The following NRXN3 variants were observed in gnomAD, a reference collection of about 807,000 sequenced individuals.
NRXN3 encodes the protein neurexin III.
In NRXN3, 32 loss-of-function variants were observed where a neutral mutation model predicts 137.6. The ratio of observed to expected loss-of-function variants is 0.23; its 90% CI spans 0.18 to 0.31. The LOEUF (loss-of-function observed/expected upper bound fraction) is 0.31, where lower values mean the gene tolerates loss of function less well. Ranked by LOEUF, NRXN3 falls within the 10% of genes least tolerant of loss-of-function variation. The pLI, the probability that NRXN3 is intolerant of heterozygous loss-of-function variation, is 1.00. For synonymous variants in NRXN3, 798 were observed against 784.5 expected, an observed-to-expected ratio of 1.02 and a Z score of -0.29; for missense variants, 1,574 against 2,062.5, an observed-to-expected ratio of 0.76 and a Z score of 4.59.
chr14:79,844,433 AC>A (rs1336828203), intron 20 of NRXN3, among the ~76,000 whole-genome samples: 1 of 151,714 alleles, frequency 6.6e-6, no homozygotes, highest in East Asian at 1.9e-4. Context: ...CTATTGCCTT[AC>A]AAAACGTGTT....
chr14:78,455,953 A>T (rs767715386), intron 4 of NRXN3, among the ~76,000 whole-genome samples: 4 of 152,310 alleles, frequency 2.6e-5, no homozygotes, highest in South Asian at 2.1e-4. Context: ...GGAAAGCCTT[A>T]GTCTTCTCTT....
At chr14:79,072,925 G>A (rs750735147) in intron 15 of NRXN3, among the ~76,000 whole-genome samples, 37 of 138,922 alleles carry the variant, frequency 2.7e-4, no homozygotes, top group Middle Eastern at 4.4e-3. Flanking sequence ...CATTCCTGTC[G>A]CCCAGGCTGG....
chr14:78,683,586 T>C (rs148524260), intron 6 of NRXN3, among the ~76,000 whole-genome samples: 2 of 152,342 alleles, frequency 1.3e-5, no homozygotes, highest in Non-Finnish European at 2.9e-5. Context: ...ATAAATAGGT[T>C]ATGACATGTA....
intron 4 of NRXN3, among the ~76,000 whole-genome samples, chr14:78,537,985 C>G (rs964290085): frequency 2.6e-5 from 4 of 152,174 alleles, no homozygotes; most frequent in African/African-American, 9.7e-5. Context: ...GTTTTGGTAA[C>G]AGTACCATGC....
intron 10 of NRXN3, among the ~76,000 whole-genome samples, chr14:78,837,142 T>C (rs1440619784): frequency 6.6e-6 from 1 of 152,204 alleles, no homozygotes; most frequent in Non-Finnish European, 1.5e-5. Flanking sequence ...AATGCACCTC[T>C]ATCGAGCCCT....
At chr14:79,794,238 C>T (rs1445662671) in intron 19 of NRXN3, among the ~76,000 whole-genome samples, 1 of 152,046 alleles carries the variant, frequency 6.6e-6, no homozygotes, top group African/African-American at 2.4e-5. Context: ...GTGGCAGGCA[C>T]CTGTAATCCC....
At chr14:78,902,706 T>TA (rs1198182504) in intron 10 of NRXN3, among the ~76,000 whole-genome samples, 1 of 152,034 alleles carries the variant, frequency 6.6e-6, no homozygotes, top group African/African-American at 2.4e-5. Context: ...ACAAGGCTCT[T>TA]AAAGATCTAT....
At chr14:78,314,290 T>C (rs575087204) in intron 4 of NRXN3, among the ~76,000 whole-genome samples, 2 of 152,288 alleles carry the variant, frequency 1.3e-5, no homozygotes, top group South Asian at 2.1e-4. Context: ...GAAGTAGCAA[T>C]GTATATTACT....
intron 15 of NRXN3, among the ~76,000 whole-genome samples, chr14:79,379,351 G>T (rs1357463054): frequency 6.6e-6 from 1 of 152,154 alleles, no homozygotes; most frequent in African/African-American, 2.4e-5. Flanking sequence ...GCAGAAATGT[G>T]AGCATTAGTC....
intron 8 of NRXN3, among the ~76,000 whole-genome samples, chr14:78,784,735 G>A (rs565960214): frequency 1.3e-5 from 2 of 152,304 alleles, no homozygotes; most frequent in South Asian, 4.2e-4. Context: ...CGGAAGTCTA[G>A]TTAGTAGACA....
intron 4 of NRXN3, among the ~76,000 whole-genome samples, chr14:78,625,516 C>T (rs2097449748): frequency 6.6e-6 from 1 of 152,180 alleles, no homozygotes; most frequent in Non-Finnish European, 1.5e-5. Context: ...TTACTGGCAA[C>T]CTCCTTGTAC....
At chr14:79,659,370 C>T (rs1263633393) in intron 16 of NRXN3, among the ~76,000 whole-genome samples, 1 of 152,074 alleles carries the variant, frequency 6.6e-6, no homozygotes, top group Non-Finnish European at 1.5e-5. Flanking sequence ...TTTGCAGCTA[C>T]ACTTTGCATT....
At chr14:79,283,163 G>T (rs1417565522) in intron 15 of NRXN3, among the ~76,000 whole-genome samples, 1 of 152,132 alleles carries the variant, frequency 6.6e-6, no homozygotes, top group Non-Finnish European at 1.5e-5. Flanking sequence ...GAGACTGATG[G>T]TTGTTATTGA....
At chr14:79,825,324 C>T (rs1336828708) in intron 20 of NRXN3, among the ~76,000 whole-genome samples, 2 of 151,560 alleles carry the variant, frequency 1.3e-5, no homozygotes, top group African/African-American at 2.4e-5. Flanking sequence ...TGTGTTCACC[C>T]TATCAGTTGT....
intron 10 of NRXN3, among the ~76,000 whole-genome samples, chr14:78,866,681 T>A (rs1039582658): frequency 1.3e-5 from 2 of 152,094 alleles, no homozygotes; most frequent in African/African-American, 4.8e-5. Flanking sequence ...GGACTGGTTA[T>A]CCTTGTATGA....
At chr14:79,681,214 G>A (rs2154013295) in intron 17 of NRXN3, among the ~76,000 whole-genome samples, 3 of 152,282 alleles carry the variant, frequency 2.0e-5, no homozygotes, top group Middle Eastern at 6.8e-3. Flanking sequence ...TTTGAATCTG[G>A]AGACTGCAAC....
In NRXN3 at chr14:79,399,979, C is replaced by T. The variant is rs185303413; in HGVS notation, c.3263-67242C>T. ...TTTCTGTGGTTGCAAGGCCTTCTTC[C>T]CTGTGCATATGTGTGTGTGAGTGCA... On this transcript the variant is annotated intron_variant, in intron 15 of 20. Coordinates refer to ENST00000335750, the MANE Select transcript of NRXN3 (RefSeq NM_001330195.2). Among the ~76,000 whole-genome samples, 168 of 152,210 alleles carry T rather than the reference C, an allele frequency of 1.1e-3. 1 individual carries two copies. The highest frequency in any genetic ancestry group is 3.4e-3 in the Middle Eastern group (1 of 294).
In NRXN3 at chr14:79,738,313, C is replaced by T. The variant is rs540386330; in HGVS notation, c.4014+40376C>T. 5.3e-4 allele frequency among the ~76,000 whole-genome samples: 51 copies of T among 95,512 alleles called. No individual in the cohort carries two copies. In the East Asian group the frequency reaches 9.7e-3, roughly 18 times the overall value. The allele number at this position is 95,512 out of a possible 152,430, so 62.7% of individuals were successfully genotyped here. A position where few individuals can be genotyped will look rare whatever the true frequency, so the allele number is the denominator to read the frequency against. On this transcript the variant is annotated intron_variant, in intron 19 of 20. Transcript: ENST00000335750. ...AGTGAGGCAGAGGGGGCATTTCCCC[C>T]GCCACACACACACACACACACACAC...
intron 15 of NRXN3, among the ~76,000 whole-genome samples, chr14:79,054,646 T>G (rs983821995): frequency 8.5e-5 from 13 of 152,190 alleles, no homozygotes; most frequent in African/African-American, 3.1e-4. Context: ...AGAGACAGAC[T>G]GGGGATTCTA....
Sources: allele counts gnomAD v4.1 joint callset (sites outside exome capture counted in the v4.1 genomes callset), GRCh38; gene constraint gnomAD v4.1.1; transcripts MANE v1.5; gene names NCBI Gene and HGNC (gene_info 2026-07-23, HGNC 2026-07-21).